KCNIP4: variants seen among roughly 807,000 people sequenced by gnomAD.
The protein encoded by KCNIP4 is potassium voltage-gated channel interacting protein 4.
Under a neutral mutation model 34.0 loss-of-function variants are expected in KCNIP4, and 12 were observed. The observed-to-expected ratio is 0.35, with a 90% CI of 0.23 to 0.57. The LOEUF is 0.57. Among genes scored for constraint, KCNIP4 ranks in the 20% least tolerant of loss-of-function variants. The pLI is 0.83. For synonymous variants in KCNIP4, 124 were observed against 102.2 expected, an observed-to-expected ratio of 1.21 and a Z score of -1.29; for missense variants, 238 against 311.7, an observed-to-expected ratio of 0.76 and a Z score of 1.78.
rs574610934 is a variant in KCNIP4 at position 21,020,948 on chromosome 4, T to G, written c.62-138239A>C. Reference sequence around the variant, plus strand: ...AACTTGCTAAGACTTTTAAATGCAGTCATGCTTTGCTTAAGGATGAGGATG... The same window carrying G: ...AACTTGCTAAGACTTTTAAATGCAGGCATGCTTTGCTTAAGGATGAGGATG... On this transcript the variant is annotated intron_variant, in intron 1 of 8. Coordinates refer to ENST00000382152, the MANE Select transcript of KCNIP4 (RefSeq NM_025221.6). 3.9e-5 allele frequency among the ~76,000 whole-genome samples: 6 copies of G among 152,290 alleles called. No homozygotes were observed. The South Asian group carries it at 1.2e-3, about 32-fold the overall frequency.
chr4:21,903,812 C>T (rs1337941621), intron 1 of KCNIP4, among the ~76,000 whole-genome samples: 1 of 151,964 alleles, frequency 6.6e-6, no homozygotes, highest in Non-Finnish European at 1.5e-5. Context: ...CCCATATCAC[C>T]CTAATGTGTA....
intron 2 of KCNIP4, among the ~76,000 whole-genome samples, chr4:20,882,241 C>G (rs558294693): frequency 1.3e-5 from 2 of 152,036 alleles, no homozygotes; most frequent in Non-Finnish European, 2.9e-5. Flanking sequence ...ATTATAGACC[C>G]AGTGGATGAG....
At chr4:21,256,174 G>T (rs1761050289) in intron 1 of KCNIP4, among the ~76,000 whole-genome samples, 2 of 152,154 alleles carry the variant, frequency 1.3e-5, no homozygotes, top group Non-Finnish European at 1.5e-5. Flanking sequence ...ATGACAAGAA[G>T]AATCAGATAT....
In KCNIP4 at chr4:21,621,970, A is replaced by G. The variant is rs2323069; in HGVS notation, c.61+326601T>C. On this transcript the variant is annotated intron_variant, in intron 1 of 8. Coordinates refer to ENST00000382152, the MANE Select transcript of KCNIP4 (RefSeq NM_025221.6). ...AAGAACCTAAAGGGATCCTCACCCTACTTCAGGGCTGCCATTGGCAACTGG... is the reference window on the plus strand; with the variant it reads ...AAGAACCTAAAGGGATCCTCACCCTGCTTCAGGGCTGCCATTGGCAACTGG... Among the ~76,000 whole-genome samples the G allele has an allele frequency of 7.7e-3, 1,178 of 152,280 alleles. 16 individuals are homozygous for G. The highest frequency in any genetic ancestry group is 0.027 in the African/African-American group (1,113 of 41,554).
At chr4:20,888,188 A>G (rs1725524879) in intron 1 of KCNIP4, among the ~76,000 whole-genome samples, 1 of 152,082 alleles carries the variant, frequency 6.6e-6, no homozygotes, top group Non-Finnish European at 1.5e-5. Context: ...TAGAGGGACA[A>G]AAAGTAGAAG....
At chr4:21,178,515 G>A (rs1754604124) in intron 1 of KCNIP4, among the ~76,000 whole-genome samples, 1 of 149,928 alleles carries the variant, frequency 6.7e-6, no homozygotes, top group Non-Finnish European at 1.5e-5. Context: ...CATGTGTCCA[G>A]GATAGTTATT....
chr4:21,259,412 T>G (rs1761301346), intron 1 of KCNIP4, among the ~76,000 whole-genome samples: 1 of 152,204 alleles, frequency 6.6e-6, no homozygotes, highest in Admixed American at 6.5e-5. Flanking sequence ...TGCCTTCAAT[T>G]ACCTGGTTTA....
At chr4:21,196,781 C>T (rs1324093789) in intron 1 of KCNIP4, among the ~76,000 whole-genome samples, 1 of 152,134 alleles carries the variant, frequency 6.6e-6, no homozygotes, top group Non-Finnish European at 1.5e-5. Context: ...TAGGTGTAGT[C>T]TTGTCTCTTT....
At chr4:21,944,620 G>T (rs1252050589) in intron 1 of KCNIP4, among the ~76,000 whole-genome samples, 1 of 151,398 alleles carries the variant, frequency 6.6e-6, no homozygotes, top group East Asian at 2.0e-4. Context: ...ATAATTCAGT[G>T]CAAGTGGGAA....
At chr4:21,912,646 C>T (rs1013529402) in intron 1 of KCNIP4, among the ~76,000 whole-genome samples, 4 of 152,004 alleles carry the variant, frequency 2.6e-5, no homozygotes, top group African/African-American at 7.3e-5. Context: ...ACAGAATGAG[C>T]TGGCCATGTG....
chr4:20,924,673 G>T (rs1042892979), intron 1 of KCNIP4, among the ~76,000 whole-genome samples: 1 of 152,134 alleles, frequency 6.6e-6, no homozygotes, highest in Middle Eastern at 3.2e-3. Flanking sequence ...GCAATCTGGG[G>T]TAATAAAATG....
chr4:21,230,241 G>T (rs1294393150), intron 1 of KCNIP4, among the ~76,000 whole-genome samples: 1 of 152,120 alleles, frequency 6.6e-6, no homozygotes, highest in African/African-American at 2.4e-5. Flanking sequence ...ATCCAAGGAA[G>T]AATTCTCTCC....
intron 1 of KCNIP4, among the ~76,000 whole-genome samples, chr4:21,015,064 T>C (rs1739379575): frequency 6.6e-6 from 1 of 152,044 alleles, no homozygotes; most frequent in African/African-American, 2.4e-5. Context: ...ATATTTGAAA[T>C]ATCTTAGAAG....
chr4:21,393,303 G>A (rs1722711207), intron 1 of KCNIP4, among the ~76,000 whole-genome samples: 1 of 146,120 alleles, frequency 6.8e-6, no homozygotes, highest in Admixed American at 6.9e-5. Flanking sequence ...CTTAAGAGAA[G>A]ATCTAGAAGT....
rs149368901 is a variant in KCNIP4 at position 21,224,979 on chromosome 4, T to G, written c.62-342270A>C. Among the ~76,000 whole-genome samples the G allele has an allele frequency of 4.2e-3, 633 of 152,294 alleles. 3 individuals carry two copies. Among genetic ancestry groups the G allele is most frequent in the Non-Finnish European group, 6.2e-3 (422 of 68,024 alleles). On this transcript the variant is annotated intron_variant, in intron 1 of 8. Coordinates refer to ENST00000382152, the MANE Select transcript of KCNIP4 (RefSeq NM_025221.6). ...ATTACATGAAGTATTCAACACCTTA[T>G]TATAAAATAGACCTTGTGTTACATC...
Position 21,936,560 on chromosome 4 carries a change from C to T in KCNIP4, c.61+12011G>A, listed in dbSNP as rs565029008. ...AGTCATCAGAGAAGTACCATATCAACAGAGACCCAAATGAAGTGAGGAAGA... is the reference window on the plus strand; with the variant it reads ...AGTCATCAGAGAAGTACCATATCAATAGAGACCCAAATGAAGTGAGGAAGA... On this transcript the variant is annotated intron_variant, in intron 1 of 8. Transcript: ENST00000382152. 2.0e-5 allele frequency among the ~76,000 whole-genome samples: 3 copies of T among 152,040 alleles called. No homozygotes were observed. The East Asian group carries it at 5.8e-4, about 29-fold the overall frequency.
chr4:21,577,164 T>C (rs1472261067), intron 1 of KCNIP4, among the ~76,000 whole-genome samples: 1 of 152,164 alleles, frequency 6.6e-6, no homozygotes, highest in African/African-American at 2.4e-5. Context: ...GAATATGCTA[T>C]CCTGGATGCT....
At chr4:21,725,825 G>C (rs1237948323) in intron 1 of KCNIP4, among the ~76,000 whole-genome samples, 1 of 151,986 alleles carries the variant, frequency 6.6e-6, no homozygotes, top group Non-Finnish European at 1.5e-5. Flanking sequence ...CACATAGCAG[G>C]TATATAATAA....
intron 2 of KCNIP4, among the ~76,000 whole-genome samples, chr4:20,881,257 G>A (rs951998214): frequency 2.0e-5 from 3 of 152,254 alleles, no homozygotes; most frequent in Admixed American, 2.0e-4. Flanking sequence ...AATGTATTAT[G>A]TTGTTTGTGG....
Sources: allele counts gnomAD v4.1 joint callset (sites outside exome capture counted in the v4.1 genomes callset), GRCh38; gene constraint gnomAD v4.1.1; transcripts MANE v1.5; gene names NCBI Gene and HGNC (gene_info 2026-07-23, HGNC 2026-07-21).